RAB31: variants seen among roughly 807,000 people sequenced by gnomAD.
RAB31 encodes the protein ras-related protein Rab-31.
A neutral mutation model predicts 25.6 loss-of-function variants in RAB31; 21 were observed. That is an observed-to-expected ratio of 0.82 (90% CI 0.58 to 1.18). The LOEUF is 1.18. Among genes scored for constraint, RAB31 ranks in the 50% most tolerant of loss-of-function variants. The pLI is 0.00. For missense variants in RAB31, 196 were observed against 250.1 expected (o/e 0.78, Z 1.46); for synonymous variants, 87 against 84.0 (o/e 1.04, Z -0.20).
intron 6 of RAB31, among the ~76,000 whole-genome samples, chr18:9,847,683 C>T (rs537734196): frequency 1.3e-5 from 2 of 152,100 alleles, no homozygotes; most frequent in African/African-American, 2.4e-5. Flanking sequence ...AGCAATCCTC[C>T]GACCTCAGCC....
chr18:9,838,588 G>A (rs887387579), intron 5 of RAB31, among the ~76,000 whole-genome samples: 1 of 152,138 alleles, frequency 6.6e-6, no homozygotes, highest in Non-Finnish European at 1.5e-5. Flanking sequence ...AAATTAGACC[G>A]AGGCAGCTGC....
chr18:9,750,878 CGGGGGAGT>C (rs527548704), intron 1 of RAB31, among the ~76,000 whole-genome samples: 1 of 152,024 alleles, frequency 6.6e-6, no homozygotes, highest in Non-Finnish European at 1.5e-5. Flanking sequence ...AACTGGGTGT[CGGGGGAGT>C]GGGGGCAATG....
At chr18:9,834,265 G>A (rs779595810) in intron 5 of RAB31, among the ~76,000 whole-genome samples, 8 of 152,074 alleles carry the variant, frequency 5.3e-5, no homozygotes, top group Non-Finnish European at 1.2e-4. Context: ...ACAGGCGCCC[G>A]CCACCACGCC....
intron 6 of RAB31, among the ~76,000 whole-genome samples, chr18:9,858,596 T>A (rs1335084229): frequency 6.6e-6 from 1 of 152,230 alleles, no homozygotes; most frequent in East Asian, 1.9e-4. Context: ...GACTTTCTGA[T>A]AATTTTTAAA....
intron 1 of RAB31, among the ~76,000 whole-genome samples, chr18:9,719,667 C>T (rs2068064675): frequency 6.6e-6 from 1 of 152,048 alleles, no homozygotes; most frequent in Non-Finnish European, 1.5e-5. Flanking sequence ...CCATCCTGCC[C>T]TGTATTTCTT....
chr18:9,825,525 A>G (rs1173671975), intron 5 of RAB31, among the ~76,000 whole-genome samples: 1 of 152,242 alleles, frequency 6.6e-6, no homozygotes, highest in East Asian at 1.9e-4. Context: ...TTCCAGTTCT[A>G]GGAACCAGGT....
At chr18:9,717,854 A>G (rs896184994) in intron 1 of RAB31, among the ~76,000 whole-genome samples, 6 of 152,274 alleles carry the variant, frequency 3.9e-5, no homozygotes, top group Non-Finnish European at 7.4e-5. Context: ...GGGCATTTAC[A>G]TTTATGGCAA....
intron 6 of RAB31, among the ~76,000 whole-genome samples, chr18:9,848,526 T>A (rs993297906): frequency 6.6e-6 from 1 of 152,260 alleles, no homozygotes; most frequent in African/African-American, 2.4e-5. Flanking sequence ...TGTAGCCTAA[T>A]TGCAGGTTAA....
chr18:9,849,555 C>T (rs2068778274), intron 6 of RAB31: 1 of 152,520 alleles, frequency 6.6e-6, no homozygotes, highest in Non-Finnish European at 1.5e-5. Flanking sequence ...TGACAAGGCG[C>T]AGTGACAGTG....
chr18:9,752,410 G>T (rs2068239737), intron 1 of RAB31, among the ~76,000 whole-genome samples: 1 of 151,904 alleles, frequency 6.6e-6, no homozygotes, highest in Non-Finnish European at 1.5e-5. Flanking sequence ...TTTTTAGTAG[G>T]GACGAGGTTT....
chr18:9,839,138 G>A (rs1006377835), intron 5 of RAB31, among the ~76,000 whole-genome samples: 6 of 152,200 alleles, frequency 3.9e-5, no homozygotes, highest in African/African-American at 1.4e-4. Flanking sequence ...ATGGTATGAC[G>A]ATAGGAGTAT....
chr18:9,753,409 T>A (rs1366337732), intron 1 of RAB31, among the ~76,000 whole-genome samples: 1 of 152,222 alleles, frequency 6.6e-6, no homozygotes, highest in African/African-American at 2.4e-5. Flanking sequence ...CCCTTTGCCA[T>A]GTGATGCCCT....
chr18:9,814,039 T>C lies in RAB31; in HGVS notation c.221T>C (p.Met74Thr). 1 of 1,592,992 alleles carries C rather than the reference T, an allele frequency of 6.3e-7. No homozygotes were observed. The highest frequency in any genetic ancestry group is 8.6e-7 in the Non-Finnish European group (1 of 1,166,520). ...GQERFHSLAPMYYRGSAAAVI... is the reference protein window; with the variant it reads ...GQERFHSLAPTYYRGSAAAVI... ...AAACAGTTTCATTCATTGGCTCCCA[T>C]GTACTATCGAGGCTCAGCTGCAGCT... Residue 74 changes from methionine to threonine, a missense_variant, in exon 4 of 7, where the codon ATG (methionine) becomes ACG (threonine). Coordinates refer to ENST00000578921, the MANE Select transcript of RAB31 (RefSeq NM_006868.4).
At chr18:9,809,859 A>G (rs961652610) in intron 3 of RAB31, among the ~76,000 whole-genome samples, 2 of 152,154 alleles carry the variant, frequency 1.3e-5, no homozygotes, top group Non-Finnish European at 2.9e-5. Context: ...CTTGAAACAC[A>G]TTGTCCAGCT....
At chr18:9,844,474 G>T (rs2068750240) in intron 5 of RAB31, among the ~76,000 whole-genome samples, 1 of 152,094 alleles carries the variant, frequency 6.6e-6, no homozygotes, top group African/African-American at 2.4e-5. Context: ...CATCTTCCTG[G>T]GGTCTATTGA....
chr18:9,806,028 G>T (rs1255081988), intron 3 of RAB31, among the ~76,000 whole-genome samples: 2 of 148,748 alleles, frequency 1.3e-5, no homozygotes, highest in African/African-American at 2.5e-5. Context: ...TACAAAAAAA[G>T]TAGCCAGGTG....
chr18:9,714,446 C>G (rs554794017), intron 1 of RAB31, among the ~76,000 whole-genome samples: 1 of 152,238 alleles, frequency 6.6e-6, no homozygotes, highest in African/African-American at 2.4e-5. Context: ...GTAATGCTCA[C>G]TCACTGTTCA....
chr18:9,791,273 G>A (rs1274604611), intron 2 of RAB31, among the ~76,000 whole-genome samples: 1 of 151,540 alleles, frequency 6.6e-6, no homozygotes, highest in Admixed American at 6.6e-5. Flanking sequence ...CAACATACCA[G>A]CTGCTATTTT....
At chr18:9,743,126 C>T (rs1239541058) in intron 1 of RAB31, among the ~76,000 whole-genome samples, 1 of 152,168 alleles carries the variant, frequency 6.6e-6, no homozygotes, top group African/African-American at 2.4e-5. Flanking sequence ...AATTCAGCCC[C>T]TAGACCTGCT....
Sources: gnomAD v4.1 joint callset for allele counts (sites outside exome capture counted in the v4.1 genomes callset) on GRCh38, gnomAD v4.1.1 for gene constraint, MANE v1.5 for transcripts, NCBI Gene and HGNC (gene_info 2026-07-23, HGNC 2026-07-21) for gene names.